The following CFAP47 variants were observed in gnomAD, a reference collection of about 807,000 sequenced individuals.
CFAP47 encodes cilia- and flagella-associated protein 47.
A neutral mutation model predicts 148.1 loss-of-function variants in CFAP47; 29 were observed. That is an observed-to-expected ratio of 0.20 (90% confidence interval 0.15 to 0.27). The LOEUF (loss-of-function observed/expected upper bound fraction) is 0.27. Ranked by LOEUF, CFAP47 falls within the 10% of genes least tolerant of loss-of-function variation. The pLI is 1.00. For synonymous variants in CFAP47, 664 were observed against 577.3 expected, an observed-to-expected ratio of 1.15 and a Z score of -2.15; for missense variants, 1,872 against 1,697.5, an observed-to-expected ratio of 1.10 and a Z score of -1.81.
intron 3 of CFAP47, among the ~76,000 whole-genome samples, chrX:35,944,313 C>T (rs1221183235): frequency 9.0e-6 from 1 of 111,092 alleles, no homozygotes; most frequent in African/African-American, 3.3e-5. Context: ...ATGGCATCTC[C>T]ATATATTCTT....
rs772989912 is a variant in CFAP47 at position 35,920,288 on chromosome X, C to A, written c.249+240C>A. On this transcript the variant is annotated intron_variant, in intron 1 of 63. Coordinates refer to ENST00000378653, the MANE Select transcript of CFAP47 (RefSeq NM_001304548.2). ...GGAGAAAAGCTGACCTAGAGCCTCC[C>A]CATTTCTTCAACCTGGGTTTAGAAA... is the stretch of plus-strand genomic sequence containing the variant. Among the ~76,000 whole-genome samples, 21 of 111,451 alleles carry A rather than the reference C, an allele frequency of 1.9e-4. No homozygotes were observed. In the South Asian group the frequency reaches 3.0e-3, roughly 16 times the overall value.
intron 40 of CFAP47, among the ~76,000 whole-genome samples, chrX:36,183,135 C>A (rs761279408): frequency 8.9e-6 from 1 of 111,796 alleles, no homozygotes; most frequent in East Asian, 2.8e-4. Context: ...CATGGTGAAA[C>A]CCTGTCTCTA....
At position 36,303,822 on chromosome X, in the gene CFAP47, A is replaced by T. The variant is rs781886002; in HGVS notation, c.7971-27A>T. ...CTAAATAAGTTTATGAATACCAGCA[A>T]CTTTACTAGCTTTTTTTTTCTCCTA... is the stretch of plus-strand genomic sequence containing the variant. On this transcript the variant is annotated intron_variant, in intron 53 of 63. Coordinates refer to ENST00000378653, the MANE Select transcript of CFAP47 (RefSeq NM_001304548.2). 4 of 898,192 alleles carry T rather than the reference A, an allele frequency of 4.5e-6. No individual in the cohort carries two copies. In the African/African-American group the frequency reaches 8.3e-5, roughly 19 times the overall value. The allele number at this position is 898,192 out of a possible 1,213,427, so 74.0% of individuals were successfully genotyped here.
intron 15 of CFAP47, among the ~76,000 whole-genome samples, chrX:35,981,214 C>A (rs1936639834): frequency 9.2e-6 from 1 of 108,117 alleles, no homozygotes; most frequent in Non-Finnish European, 1.9e-5. Context: ...TACCAAAGAA[C>A]ATAGTAAAGG....
At chrX:36,258,812 TTCTC>T in intron 49 of CFAP47, among the ~76,000 whole-genome samples, 1 of 111,996 alleles carries the variant, frequency 8.9e-6, no homozygotes, top group East Asian at 2.8e-4. Flanking sequence ...TATAAATACT[TTCTC>T]TATCACCTGT....
chrX:35,989,332 A>G lies in CFAP47; in HGVS notation c.2727A>G (p.Ala909=). 8.3e-7 allele frequency: 1 copy of G among 1,205,766 alleles called. No individual in the cohort carries two copies. Among genetic ancestry groups the G allele is most frequent in the Non-Finnish European group, 1.1e-6 (1 of 889,895 alleles). The part of the protein sequence containing the change: ...SICPAKGTVE[A]YSSLECEVTW... ...CATTTTCCGTAGGCACTGTTGAAGC[A>G]TATTCCTCACTGGAATGTGAAGTAA... Residue 909 remains alanine, a synonymous_variant, in exon 16 of 64, where the codon GCA becomes GCG. Transcript: ENST00000378653.
intron 10 of CFAP47, 62 bp from the exon 11 acceptor site, chrX:35,970,706 A>C: frequency 2.2e-6 from 2 of 928,456 alleles, no homozygotes; most frequent in Non-Finnish European, 1.5e-6. Flanking sequence ...GGAGGCTGTC[A>C]GTAAATACTG....
intron 57 of CFAP47, among the ~76,000 whole-genome samples, chrX:36,338,992 C>T (rs188582635): frequency 4.5e-5 from 5 of 111,994 alleles, no homozygotes; most frequent in African/African-American, 1.3e-4. Context: ...TCTCACTTGC[C>T]GACACATTCT....
chrX:36,209,412 A>G, intron 45 of CFAP47, among the ~76,000 whole-genome samples: 1 of 111,862 alleles, frequency 8.9e-6, no homozygotes, highest in South Asian at 3.7e-4. Flanking sequence ...ATTATAGTCC[A>G]TATAAGAATG....
intron 62 of CFAP47, among the ~76,000 whole-genome samples, chrX:36,373,619 C>T (rs1225902669): frequency 9.0e-6 from 1 of 111,457 alleles, no homozygotes; most frequent in Non-Finnish European, 1.9e-5. Flanking sequence ...GTTACATAGA[C>T]ATGCAAAGAG....
chrX:36,350,932 A>G (rs965172994), intron 59 of CFAP47, among the ~76,000 whole-genome samples: 2 of 111,675 alleles, frequency 1.8e-5, no homozygotes, highest in African/African-American at 6.5e-5. Flanking sequence ...AAGCAAAGGA[A>G]TATTTATTTT....
At chrX:35,969,121 A>C (rs1430199265) in intron 10 of CFAP47, among the ~76,000 whole-genome samples, 1 of 111,113 alleles carries the variant, frequency 9.0e-6, no homozygotes, top group African/African-American at 3.3e-5. Flanking sequence ...AAATAAGGCC[A>C]AGTATTTACT....
At chrX:35,924,346 TGC>T (rs1367575286) in intron 1 of CFAP47, among the ~76,000 whole-genome samples, 1 of 106,140 alleles carries the variant, frequency 9.4e-6, no homozygotes, top group Non-Finnish European at 1.9e-5. Flanking sequence ...CATATATGTG[TGC>T]ATATGTGTAT....
intron 49 of CFAP47, among the ~76,000 whole-genome samples, chrX:36,252,701 T>C (rs782137591): frequency 1.8e-5 from 2 of 112,131 alleles, no homozygotes; most frequent in South Asian, 7.3e-4. Flanking sequence ...TAAGTTTTAG[T>C]TTTCATTTTA....
rs1301436302 is a variant in CFAP47, at chrX:35,967,619, G to T, written c.1601G>T (p.Gly534Val). ...TKKVVMKFDP[G>V]ILPSIRNPTG... ...AAACTTATATTCAATTCTATAAAAG[G>T]TATATTGCCTTCGATCCGTAATCCC... is the stretch of plus-strand genomic sequence containing the variant. Residue 534 changes from glycine to valine, a missense_variant and splice_region_variant, in exon 10 of 64, where the codon GGT (glycine) becomes GTT (valine). Coordinates refer to ENST00000378653, the MANE Select transcript of CFAP47 (RefSeq NM_001304548.2). 8.4e-7 allele frequency: 1 copy of T among 1,194,983 alleles called. No homozygotes were observed. The highest frequency in any genetic ancestry group is 2.2e-5 in the Admixed American group (1 of 45,644).
intron 2 of CFAP47, among the ~76,000 whole-genome samples, chrX:35,932,533 T>G (rs1393920692): frequency 9.0e-6 from 1 of 110,903 alleles, no homozygotes; most frequent in Non-Finnish European, 1.9e-5. Context: ...ATTACAGGTG[T>G]GAGCCACCAT....
intron 33 of CFAP47, among the ~76,000 whole-genome samples, chrX:36,114,594 C>T (rs1167415589): frequency 1.8e-5 from 2 of 111,472 alleles, no homozygotes; most frequent in African/African-American, 6.5e-5. Context: ...TGATTGGCTT[C>T]ATTTCTGGAA....
rs782702678 is a variant in CFAP47, at chrX:36,264,738, G to A, written c.7444+13294G>A. On this transcript the variant is annotated intron_variant, in intron 49 of 63. Transcript: ENST00000378653. ...ACTAAGAGGGCACACCTGATTTTTGGTTCTTATGAAGGTATTTTTTCTGTG... is the reference window on the plus strand; with the variant it reads ...ACTAAGAGGGCACACCTGATTTTTGATTCTTATGAAGGTATTTTTTCTGTG... 3.6e-5 allele frequency among the ~76,000 whole-genome samples: 4 copies of A among 111,433 alleles called. No individual in the cohort carries two copies. The Admixed American group carries it at 3.8e-4, about 11-fold the overall frequency.
At chrX:36,159,077 C>T (rs963599045) in intron 37 of CFAP47, among the ~76,000 whole-genome samples, 1 of 111,219 alleles carries the variant, frequency 9.0e-6, no homozygotes, top group Non-Finnish European at 1.9e-5. Flanking sequence ...TTAATGTTTC[C>T]ACATGTTACC....
Sources: allele counts gnomAD v4.1 joint callset (sites outside exome capture counted in the v4.1 genomes callset), GRCh38; gene constraint gnomAD v4.1.1; transcripts MANE v1.5; gene names NCBI Gene and HGNC (gene_info 2026-07-23, HGNC 2026-07-21).